The following RANBP2 variants were observed in gnomAD, a reference collection of about 807,000 sequenced individuals.
RANBP2 encodes the protein RAN binding protein 2, also known as E3 SUMO-protein ligase RanBP2.
RANBP2 carries 57 observed loss-of-function variants against 303.6 expected under a neutral mutation model. The ratio of observed to expected loss-of-function variants is 0.19; its 90% confidence interval spans 0.15 to 0.23. The LOEUF (loss-of-function observed/expected upper bound fraction) is 0.23. Among genes scored for constraint, RANBP2 ranks in the 10% least tolerant of loss-of-function variants. The probability of loss-of-function intolerance (pLI) is 1.00; values close to 1 mark genes in which losing one functional copy is unlikely to be tolerated. For synonymous variants in RANBP2, 1,167 were observed against 1,301.5 expected (o/e 0.90, Z 2.23); for missense variants, 3,138 against 3,780.8 (o/e 0.83, Z 4.46).
At chr2:109,083,341 C>A in the RANBP2 span, among the ~76,000 whole-genome samples, 1 of 152,168 alleles carries the variant, frequency 6.6e-6, no homozygotes, top group African/African-American at 2.4e-5. Context: ...TACTTTCTGT[C>A]TCTGTGAACT....
the RANBP2 span, chr2:109,585,671 G>T: frequency 8.2e-7 from 1 of 1,224,858 alleles, no homozygotes; most frequent in Non-Finnish European, 1.2e-6. Flanking sequence ...AATGAAGTGA[G>T]CACAAGGAAT....
At chr2:108,968,160 T>C in the RANBP2 span, among the ~76,000 whole-genome samples, 1 of 152,126 alleles carries the variant, frequency 6.6e-6, no homozygotes, top group Non-Finnish European at 1.5e-5. Context: ...TTGTTCTCAC[T>C]TTAGTGGAAA....
chr2:108,857,575 C>T, the RANBP2 span, among the ~76,000 whole-genome samples: 3 of 152,176 alleles, frequency 2.0e-5, no homozygotes, highest in African/African-American at 4.8e-5. Context: ...TTTTCTTCTC[C>T]TGTCCCAAAA....
intron 26 of RANBP2, among the ~76,000 whole-genome samples, 199 bp from the exon 27 acceptor site, chr2:108,781,929 G>A (rs546723707): frequency 6.6e-6 from 1 of 152,144 alleles, no homozygotes; most frequent in East Asian, 1.9e-4. Flanking sequence ...AAAAGAAAAT[G>A]TTTAATGATA....
chr2:109,005,056 C>T, the RANBP2 span, among the ~76,000 whole-genome samples: 1 of 152,176 alleles, frequency 6.6e-6, no homozygotes, highest in African/African-American at 2.4e-5. Flanking sequence ...TTCTTTCTTT[C>T]CCAGGCCCCT....
the RANBP2 span, among the ~76,000 whole-genome samples, chr2:109,277,983 T>C: frequency 1.6e-5 from 2 of 126,526 alleles, no homozygotes; most frequent in African/African-American, 6.1e-5. Context: ...GAGATCAGCC[T>C]GGGCAACAAG....
chr2:108,781,680 C>A (rs546635417), intron 26 of RANBP2, among the ~76,000 whole-genome samples: 1 of 151,992 alleles, frequency 6.6e-6, no homozygotes, highest in Non-Finnish European at 1.5e-5. Context: ...TCTAGAATAT[C>A]ATGTTTGTTT....
the RANBP2 span, among the ~76,000 whole-genome samples, chr2:109,191,110 GGA>G: frequency 6.6e-6 from 1 of 152,122 alleles, no homozygotes; most frequent in African/African-American, 2.4e-5. Flanking sequence ...TCAAGTGATT[GGA>G]GAGAGATCCA....
chr2:109,252,321 C>A, the RANBP2 span, among the ~76,000 whole-genome samples: 1 of 151,828 alleles, frequency 6.6e-6, no homozygotes, highest in Non-Finnish European at 1.5e-5. Context: ...AGAAAGTTTA[C>A]ATTGTTCAAC....
At chr2:109,180,565 A>G in the RANBP2 span, among the ~76,000 whole-genome samples, 2 of 152,182 alleles carry the variant, frequency 1.3e-5, no homozygotes, top group African/African-American at 4.8e-5. Context: ...TAATTGAATC[A>G]TGGGGGTGGT....
the RANBP2 span, among the ~76,000 whole-genome samples, chr2:109,706,780 A>G: frequency 7.9e-5 from 12 of 152,258 alleles, no homozygotes; most frequent in Non-Finnish European, 1.6e-4. Context: ...AGCAGTGGCT[A>G]TCAGGTTACT....
chr2:109,054,315 C>T, the RANBP2 span, among the ~76,000 whole-genome samples: 4 of 152,166 alleles, frequency 2.6e-5, no homozygotes, highest in African/African-American at 9.7e-5. Context: ...CCCAGGGCAT[C>T]CTGGGCTCCT....
At chr2:109,304,064 G>A in the RANBP2 span, among the ~76,000 whole-genome samples, 1 of 151,084 alleles carries the variant, frequency 6.6e-6, no homozygotes, top group Non-Finnish European at 1.5e-5. Context: ...TCGCGCCATT[G>A]CACTCCAGCC....
At chr2:109,475,474 G>A in the RANBP2 span, among the ~76,000 whole-genome samples, 74 of 152,324 alleles carry the variant, frequency 4.9e-4, no homozygotes, top group Middle Eastern at 6.8e-3. Context: ...GGAATGGGTC[G>A]AGAGGCAGCC....
At chr2:109,326,541 G>C in the RANBP2 span, among the ~76,000 whole-genome samples, 1 of 152,172 alleles carries the variant, frequency 6.6e-6, no homozygotes, top group African/African-American at 2.4e-5. Flanking sequence ...TGCCAATCTG[G>C]TGGGTGTGAA....
the RANBP2 span, chr2:109,432,684 T>C: frequency 1.4e-5 from 23 of 1,606,438 alleles, no homozygotes; most frequent in Non-Finnish European, 1.7e-5. Flanking sequence ...GAGGGCATGG[T>C]GGTGGCAGCC....
the RANBP2 span, among the ~76,000 whole-genome samples, chr2:109,764,368 A>T: frequency 2.1e-5 from 3 of 146,044 alleles, 1 homozygote; most frequent in African/African-American, 7.6e-5. Context: ...TAGGTGCTAG[A>T]CATATAAGCC....
the RANBP2 span, among the ~76,000 whole-genome samples, chr2:109,719,731 T>TA: frequency 1.3e-5 from 2 of 151,920 alleles, no homozygotes; most frequent in Non-Finnish European, 2.9e-5. Flanking sequence ...ATAAAGCCGT[T>TA]AAAAAAATTG....
chr2:109,046,713 C>A, the RANBP2 span, among the ~76,000 whole-genome samples: 1 of 152,136 alleles, frequency 6.6e-6, no homozygotes, highest in African/African-American at 2.4e-5. Context: ...ACAAAACTAA[C>A]TATAAGGCTG....
Sources: gnomAD v4.1 joint callset for allele counts (sites outside exome capture counted in the v4.1 genomes callset) on GRCh38, gnomAD v4.1.1 for gene constraint, MANE v1.5 for transcripts, NCBI Gene and HGNC (gene_info 2026-07-23, HGNC 2026-07-21) for gene names.